CRTAC1: variants seen among roughly 807,000 people sequenced by gnomAD.
CRTAC1 encodes the protein acidic secreted protein in cartilage.
A neutral mutation model predicts 67.8 loss-of-function variants in CRTAC1; 37 were observed. The observed-to-expected ratio is 0.55, with a 90% CI of 0.42 to 0.72. The LOEUF is 0.72. Ranked by LOEUF, CRTAC1 falls within the 30% of genes least tolerant of loss-of-function variation. The probability of loss-of-function intolerance (pLI) is 0.00; values close to 1 mark genes in which losing one functional copy is unlikely to be tolerated. For missense variants in CRTAC1, 780 were observed against 931.6 expected (o/e 0.84, Z 2.12); for synonymous variants, 348 against 371.0 (o/e 0.94, Z 0.71).
intron 11 of CRTAC1, among the ~76,000 whole-genome samples, chr10:97,887,496 G>A (rs1025396452): frequency 1.1e-4 from 17 of 152,136 alleles, no homozygotes; most frequent in African/African-American, 4.1e-4. Flanking sequence ...ACCCAGCCTC[G>A]GCCTCCCAAA....
intron 2 of CRTAC1, among the ~76,000 whole-genome samples, chr10:97,971,161 T>G (rs192355551): frequency 1.3e-5 from 2 of 152,232 alleles, no homozygotes; most frequent in African/African-American, 4.8e-5. Flanking sequence ...GAAAGCAATT[T>G]CACGATATAT....
At position 97,967,851 on chromosome 10, in the gene CRTAC1, C is replaced by T. The variant is rs537066020; in HGVS notation, c.225-31485G>A. 2.0e-5 allele frequency among the ~76,000 whole-genome samples: 3 copies of T among 152,252 alleles called. No individual in the cohort carries two copies. The South Asian group carries it at 6.2e-4, about 32-fold the overall frequency. On this transcript the variant is annotated intron_variant, in intron 2 of 14. Coordinates refer to ENST00000370597, the MANE Select transcript of CRTAC1 (RefSeq NM_018058.7). ...AATTCCATTTAACTATACTCAAGGT[C>T]CCTTTCAACCCAGTGATTGTTGAAA...
chr10:97,978,715 A>G (rs1436440041), intron 2 of CRTAC1, among the ~76,000 whole-genome samples: 1 of 152,136 alleles, frequency 6.6e-6, no homozygotes, highest in Non-Finnish European at 1.5e-5. Flanking sequence ...TCCTCCCTTC[A>G]GAAGGGCCTT....
At chr10:98,014,688 A>G (rs114675795) in intron 1 of CRTAC1, among the ~76,000 whole-genome samples, 2,364 of 152,324 alleles carry the variant, frequency 0.016, 73 homozygotes, top group African/African-American at 0.051. Flanking sequence ...ACAAATGCTC[A>G]ATAAGTACAT....
chr10:97,998,473 G>C (rs751199483), intron 2 of CRTAC1, among the ~76,000 whole-genome samples: 35 of 152,106 alleles, frequency 2.3e-4, no homozygotes, highest in Non-Finnish European at 4.6e-4. Context: ...GTAATAATGG[G>C]CATCTGAAAA....
intron 2 of CRTAC1, among the ~76,000 whole-genome samples, chr10:97,971,165 G>A (rs566826434): frequency 3.0e-4 from 45 of 152,306 alleles, no homozygotes; most frequent in Middle Eastern, 6.8e-3. Context: ...GCAATTTCAC[G>A]ATATATATTA....
Position 97,865,297 on chromosome 10 carries a change from TG to T in CRTAC1, c.*250del. ...CTGGGCACATCTGTGTCCTAAGATATGGTCATTAGACCCACTGGAATGTAAG... is the reference window on the plus strand; with the variant it reads ...CTGGGCACATCTGTGTCCTAAGATATGTCATTAGACCCACTGGAATGTAAG... On this transcript the variant is annotated 3_prime_UTR_variant, in exon 15 of 15. Transcript: ENST00000370597. 1 of 410,982 alleles carries T rather than the reference TG, an allele frequency of 2.4e-6. No homozygotes were observed. Among genetic ancestry groups the T allele is most frequent in the Non-Finnish European group, 4.3e-6 (1 of 232,184 alleles). The allele number at this position is 410,982 out of a possible 1,614,324, so 25.5% of individuals were successfully genotyped here. A position where few individuals can be genotyped will look rare whatever the true frequency, so the allele number is the denominator to read the frequency against.
intron 1 of CRTAC1, among the ~76,000 whole-genome samples, chr10:98,023,058 C>G (rs1334296752): frequency 6.6e-6 from 1 of 152,136 alleles, no homozygotes; most frequent in Non-Finnish European, 1.5e-5. Context: ...CAGTGGAAGT[C>G]CAAATTTCCA....
intron 2 of CRTAC1, among the ~76,000 whole-genome samples, chr10:97,993,349 A>T (rs1842495747): frequency 6.6e-6 from 1 of 152,256 alleles, no homozygotes; most frequent in South Asian, 2.1e-4. Flanking sequence ...ACAACCTTAT[A>T]TGAAATGCAG....
rs1463852817 is a variant in CRTAC1 at position 98,029,488 on chromosome 10, AGCAGCGGCGGCGGCGGCGGCGGCG to A, written c.24+937_24+960del. 1.6e-5 allele frequency among the ~76,000 whole-genome samples: 2 copies of A among 122,734 alleles called. No homozygotes were observed. The highest frequency in any genetic ancestry group is 3.3e-5 in the African/African-American group (1 of 29,868). 80.5% of individuals were successfully genotyped at this position (122,734 alleles called of 152,430 possible). A position where few individuals can be genotyped will look rare whatever the true frequency, so the allele number is the denominator to read the frequency against. On this transcript the variant is annotated intron_variant, in intron 1 of 14. Transcript: ENST00000370597. This position sits in a 1 kb window ranked among gnomAD's most constrained non-coding sequence, Gnocchi z 4.7. ...CACACTGGGTGCACCCACCAGCAGC[AGCAGCGGCGGCGGCGGCGGCGGCG>A]GCGGCGGCGGCGGCGGCAGCAGCAG...
intron 2 of CRTAC1, among the ~76,000 whole-genome samples, chr10:97,938,899 AC>A (rs2051129796): frequency 6.6e-6 from 1 of 152,266 alleles, no homozygotes; most frequent in Admixed American, 6.5e-5. Context: ...GCTCCATTCA[AC>A]TAGAACATCT....
intron 2 of CRTAC1, among the ~76,000 whole-genome samples, chr10:97,994,470 G>A: frequency 6.6e-6 from 1 of 152,122 alleles, no homozygotes; most frequent in Non-Finnish European, 1.5e-5. Flanking sequence ...AGAAAAGGAG[G>A]GAGAGGACAT....
intron 2 of CRTAC1, among the ~76,000 whole-genome samples, chr10:97,998,678 T>C (rs2136681050): frequency 6.6e-6 from 1 of 152,156 alleles, no homozygotes; most frequent in Middle Eastern, 3.4e-3. Context: ...CTTTCTGAGA[T>C]GCAAGAAGGA....
At chr10:97,900,986 C>G (rs984798829) in intron 8 of CRTAC1, among the ~76,000 whole-genome samples, 9 of 132,686 alleles carry the variant, frequency 6.8e-5, no homozygotes, top group South Asian at 2.6e-4. Flanking sequence ...AGTGATTGGA[C>G]CCTGTAGCCC....
chr10:97,933,302 C>T (rs1025127910), intron 3 of CRTAC1, among the ~76,000 whole-genome samples: 2 of 152,244 alleles, frequency 1.3e-5, no homozygotes, highest in Non-Finnish European at 2.9e-5. Flanking sequence ...GGCACTGTTG[C>T]CTCACCCCCA....
At chr10:97,899,832 C>T (rs1054052732) in intron 8 of CRTAC1, among the ~76,000 whole-genome samples, 4 of 152,172 alleles carry the variant, frequency 2.6e-5, no homozygotes, top group African/African-American at 7.2e-5. Flanking sequence ...CTGGCACACC[C>T]TCCTTTCCCC....
intron 5 of CRTAC1, among the ~76,000 whole-genome samples, chr10:97,909,589 T>C (rs1024524869): frequency 2.0e-5 from 3 of 152,144 alleles, no homozygotes; most frequent in African/African-American, 7.2e-5. Context: ...AAGGGTACCC[T>C]TGTATACTGT....
rs1373933939 is a variant in CRTAC1 at position 97,882,786 on chromosome 10, C to T, written c.1675G>A (p.Asp559Asn). 3 of 1,614,058 alleles carry T rather than the reference C, an allele frequency of 1.9e-6. No individual in the cohort carries two copies. Among genetic ancestry groups the T allele is most frequent in the African/African-American group, 1.3e-5 (1 of 74,944 alleles). The change falls in exon 13 of 15, where the codon GAC (aspartate) becomes AAC (asparagine). Residue 559 changes from aspartate (D) to asparagine (N), a missense_variant and splice_region_variant. Transcript: ENST00000370597. The part of the protein sequence containing the change: ...FSQQENGHCM[D>N]TNECIQFPFV... ...GCCCTGGTGACTGAAGGCAACTCAC[C>T]CATGCAATGGCCATTTTCCTGCTGG...
intron 2 of CRTAC1, among the ~76,000 whole-genome samples, chr10:97,960,030 A>C (rs1408964971): frequency 6.6e-6 from 1 of 152,270 alleles, no homozygotes; most frequent in African/African-American, 2.4e-5. Flanking sequence ...ACCGTCTCCC[A>C]GAAAGAAAAC....
Sources: gnomAD v4.1 joint callset for allele counts (sites outside exome capture counted in the v4.1 genomes callset) on GRCh38, gnomAD v4.1.1 for gene constraint, Gnocchi (gnomAD v3.1) non-coding constraint, MANE v1.5 for transcripts, NCBI Gene and HGNC (gene_info 2026-07-23, HGNC 2026-07-21) for gene names.